The following BBS9 variants were observed in gnomAD, a reference collection of about 807,000 sequenced individuals.
BBS9 encodes Bardet-Biedl syndrome 9, also known as protein PTHB1.
BBS9 carries 89 observed loss-of-function variants against 117.7 expected under a neutral mutation model. That is an observed-to-expected ratio of 0.76 (90% CI 0.64 to 0.90). BBS9 has a LOEUF of 0.90. Among genes scored for constraint, BBS9 ranks in the 40% least tolerant of loss-of-function variants. The pLI is 0.00. For synonymous variants in BBS9, 379 were observed against 370.9 expected (o/e 1.02, Z -0.25); for missense variants, 982 against 1,042.2 (o/e 0.94, Z 0.80).
chr7:33,138,619 G>A (rs763192703), intron 1 of BBS9, among the ~76,000 whole-genome samples: 2 of 151,090 alleles, frequency 1.3e-5, no homozygotes, highest in Non-Finnish European at 2.9e-5. Context: ...AATTGATAGA[G>A]CAGGAGAAAC....
chr7:33,260,527 C>T (rs1797811322), intron 6 of BBS9, among the ~76,000 whole-genome samples: 1 of 152,138 alleles, frequency 6.6e-6, no homozygotes, highest in Admixed American at 6.5e-5. Flanking sequence ...TTATCAGGTT[C>T]TTGAGAGAAG....
chr7:33,467,395 A>G (rs1269927033), intron 19 of BBS9, among the ~76,000 whole-genome samples: 2 of 152,136 alleles, frequency 1.3e-5, no homozygotes, highest in Non-Finnish European at 2.9e-5. Flanking sequence ...TCGATTTTCT[A>G]TGAGGCTAGA....
chr7:33,359,765 T>C (rs2128692636), intron 16 of BBS9, among the ~76,000 whole-genome samples: 1 of 152,212 alleles, frequency 6.6e-6, no homozygotes, highest in South Asian at 2.1e-4. Context: ...ATAAAACAAC[T>C]TTTACTCTAC....
intron 3 of BBS9, among the ~76,000 whole-genome samples, chr7:33,154,552 G>A (rs939872276): frequency 1.3e-5 from 2 of 151,990 alleles, no homozygotes; most frequent in Admixed American, 1.3e-4. Flanking sequence ...TGCAACCTCC[G>A]CCTCCCAGAT....
chr7:33,553,027 G>A (rs1466889420), intron 21 of BBS9, among the ~76,000 whole-genome samples: 1 of 152,052 alleles, frequency 6.6e-6, no homozygotes, highest in Non-Finnish European at 1.5e-5. Flanking sequence ...TGCATATGCT[G>A]TTCACTTTGC....
intron 19 of BBS9, among the ~76,000 whole-genome samples, chr7:33,442,836 G>A (rs763027094): frequency 6.6e-6 from 1 of 152,088 alleles, no homozygotes; most frequent in Non-Finnish European, 1.5e-5. Context: ...GTTATAAGCA[G>A]CCATTACCTG....
At chr7:33,505,804 TCAAA>T (rs1846075326) in intron 20 of BBS9, 159 bp downstream of exon 20, 12 of 781,468 alleles carry the variant, frequency 1.5e-5, no homozygotes, top group Non-Finnish European at 2.4e-5. Flanking sequence ...AATAAAAATG[TCAAA>T]CAAAGGCCTT....
intron 19 of BBS9, chr7:33,390,272 G>A: frequency 1.0e-6 from 1 of 985,354 alleles, no homozygotes; most frequent in Non-Finnish European, 1.2e-6. Flanking sequence ...GGAACTTGAA[G>A]AGGATGCTTG....
At chr7:33,341,063 C>A in intron 11 of BBS9, 90 bp downstream of exon 11, 1 of 1,078,764 alleles carries the variant, frequency 9.3e-7, no homozygotes, top group Non-Finnish European at 1.4e-6. Flanking sequence ...AAGTTTGGTC[C>A]TCCAAGTAGA....
At chr7:33,209,019 A>G (rs1417970905) in intron 5 of BBS9, among the ~76,000 whole-genome samples, 3 of 152,202 alleles carry the variant, frequency 2.0e-5, no homozygotes, top group East Asian at 3.8e-4. Context: ...TAGTCATCCT[A>G]TTATGCTATC....
intron 19 of BBS9, among the ~76,000 whole-genome samples, chr7:33,408,817 C>G (rs1440864571): frequency 6.6e-6 from 1 of 152,196 alleles, no homozygotes; most frequent in African/African-American, 2.4e-5. Context: ...AACTAATTTA[C>G]ATTTCCCCAG....
At chr7:33,521,716 T>A (rs1234469718) in intron 20 of BBS9, among the ~76,000 whole-genome samples, 3 of 152,134 alleles carry the variant, frequency 2.0e-5, no homozygotes, top group African/African-American at 7.2e-5. Context: ...TTTTATTTTC[T>A]ATTTTACATT....
At chr7:33,387,752 C>T (rs1238591339) in intron 18 of BBS9, among the ~76,000 whole-genome samples, 1 of 152,134 alleles carries the variant, frequency 6.6e-6, no homozygotes, top group African/African-American at 2.4e-5. Context: ...ATTAAATGAT[C>T]TGTTTTTCCT....
intron 21 of BBS9, among the ~76,000 whole-genome samples, chr7:33,595,191 A>G (rs1441000869): frequency 6.6e-6 from 1 of 152,234 alleles, no homozygotes; most frequent in Non-Finnish European, 1.5e-5. Context: ...AAATTGACAA[A>G]TGGGATTTAA....
intron 16 of BBS9, among the ~76,000 whole-genome samples, chr7:33,361,770 C>A (rs1476834824): frequency 2.0e-5 from 3 of 151,884 alleles, no homozygotes; most frequent in African/African-American, 7.3e-5. Context: ...TCATGTTATG[C>A]CTGCAATGAT....
Position 33,404,277 on chromosome 7 carries a change from T to C in BBS9, c.2115+16133T>C, listed in dbSNP as rs528183639. Among the ~76,000 whole-genome samples the C allele has an allele frequency of 6.3e-3, 952 of 152,290 alleles. 9 individuals carry two copies. Among genetic ancestry groups the C allele is most frequent in the African/African-American group, 0.021 (887 of 41,550 alleles). On this transcript the variant is annotated intron_variant, in intron 19 of 22. Transcript: ENST00000242067. ...TAGTATAGTTTGAAGTCAGGTAGCA[T>C]GATGCCTCCAGCTTTGTTCTTTTGG...
At chr7:33,244,846 A>G (rs1795088507) in intron 5 of BBS9, among the ~76,000 whole-genome samples, 1 of 152,102 alleles carries the variant, frequency 6.6e-6, no homozygotes, top group Non-Finnish European at 1.5e-5. Context: ...CCTTTCCACT[A>G]CTTATTGGTA....
chr7:33,366,171 T>G (rs148603104), intron 16 of BBS9, among the ~76,000 whole-genome samples: 4 of 152,296 alleles, frequency 2.6e-5, no homozygotes, highest in Non-Finnish European at 4.4e-5. Context: ...TGGGGTTCCC[T>G]GGTGGAAATG....
rs1053300022 is a variant in BBS9, at chr7:33,143,947, T to C, written c.-11-2295T>C. ...TGGGATGGTTTGTTTTTGTTGTTGT[T>C]GTTGAGTTGTAGGAGTTCTTTATGT... On this transcript the variant is annotated intron_variant, in intron 1 of 22. Transcript: ENST00000242067. Among the ~76,000 whole-genome samples the C allele has an allele frequency of 2.6e-5, 4 of 151,860 alleles. No individual in the cohort carries two copies. The East Asian group carries it at 7.7e-4, about 29-fold the overall frequency.
Sources: gnomAD v4.1 joint callset for allele counts (sites outside exome capture counted in the v4.1 genomes callset) on GRCh38, gnomAD v4.1.1 for gene constraint, MANE v1.5 for transcripts, NCBI Gene and HGNC (gene_info 2026-07-23, HGNC 2026-07-21) for gene names.